TAMM41: variants seen among roughly 807,000 people sequenced by gnomAD.
TAMM41 encodes phosphatidate cytidylyltransferase, mitochondrial.
TAMM41 carries 36 observed loss-of-function variants against 44.1 expected under a neutral mutation model. That is an observed-to-expected ratio of 0.82 (90% CI 0.63 to 1.08). TAMM41 has a LOEUF of 1.08. TAMM41 is among the 50% of genes least tolerant of loss of function. TAMM41 has a pLI of 0.00. For missense variants in TAMM41, 417 were observed against 404.3 expected (o/e 1.03, Z -0.27); for synonymous variants, 164 against 153.1 (o/e 1.07, Z -0.53).
chr3:11,822,895 TAGG>T (rs2078581093), intron 4 of TAMM41, among the ~76,000 whole-genome samples: 1 of 152,246 alleles, frequency 6.6e-6, no homozygotes, highest in African/African-American at 2.4e-5. Context: ...GGTAGATATA[TAGG>T]AGTAGAACTG....
the TAMM41 span, among the ~76,000 whole-genome samples, chr3:11,727,773 T>C: frequency 6.6e-6 from 1 of 151,048 alleles, no homozygotes; most frequent in East Asian, 2.0e-4. Flanking sequence ...CCTATTTCTT[T>C]TTTTTTCTAA....
At chr3:11,846,009 T>C (rs758335691) in intron 1 of TAMM41, among the ~76,000 whole-genome samples, 29 of 152,240 alleles carry the variant, frequency 1.9e-4, no homozygotes, top group Non-Finnish European at 4.3e-4. Context: ...TCATTTTGCA[T>C]TTTCTCCTAC....
intron 4 of TAMM41, among the ~76,000 whole-genome samples, chr3:11,827,872 T>C (rs1253112217): frequency 1.3e-5 from 2 of 152,146 alleles, no homozygotes; most frequent in African/African-American, 4.8e-5. Flanking sequence ...TCTGCCTAAG[T>C]AATTACTGGC....
chr3:11,731,224 T>G, the TAMM41 span, among the ~76,000 whole-genome samples: 1 of 152,240 alleles, frequency 6.6e-6, no homozygotes, highest in Admixed American at 6.5e-5. Context: ...ATGACCAGAT[T>G]AGTCATCTTG....
At chr3:11,787,540 A>G (rs2077424509), downstream of TAMM41, among the ~76,000 whole-genome samples, 1 of 152,162 alleles carries the variant, frequency 6.6e-6, no homozygotes, top group Non-Finnish European at 1.5e-5. Flanking sequence ...TATTTGATAT[A>G]CTTAGGGTTG....
intron 6 of TAMM41, chr3:11,808,691 G>A: frequency 1.1e-6 from 1 of 891,768 alleles, no homozygotes; most frequent in Non-Finnish European, 1.3e-6. Context: ...CACCTTAAAG[G>A]GAAGTTAGTC....
chr3:11,776,522 G>A, the TAMM41 span, among the ~76,000 whole-genome samples: 4 of 152,080 alleles, frequency 2.6e-5, no homozygotes, highest in Non-Finnish European at 5.9e-5. Flanking sequence ...CAACTGCCTC[G>A]GTATTCAGCA....
intron 5 of TAMM41, among the ~76,000 whole-genome samples, chr3:11,814,970 GAAAGAAAGA>G (rs979883586): frequency 1.3e-5 from 2 of 151,898 alleles, no homozygotes; most frequent in Non-Finnish European, 2.9e-5. Flanking sequence ...TCAAAAAAGA[GAAAGAAAGA>G]AAAGAAAGAA....
chr3:11,783,740 C>T, the TAMM41 span, among the ~76,000 whole-genome samples: 3 of 152,326 alleles, frequency 2.0e-5, no homozygotes, highest in South Asian at 6.2e-4. Flanking sequence ...TATAGAGAAA[C>T]ACCTGCCCAT....
chr3:11,780,594 T>C, the TAMM41 span, among the ~76,000 whole-genome samples: 2 of 152,068 alleles, frequency 1.3e-5, no homozygotes, highest in Non-Finnish European at 2.9e-5. Context: ...ATAATAAGAG[T>C]CCCTGTTACA....
chr3:11,753,751 A>C, the TAMM41 span, among the ~76,000 whole-genome samples: 2 of 151,918 alleles, frequency 1.3e-5, no homozygotes, highest in East Asian at 3.9e-4. Flanking sequence ...AAAAAAATAA[A>C]ATAAACTGGC....
At chr3:11,735,300 G>A in the TAMM41 span, among the ~76,000 whole-genome samples, 1 of 152,118 alleles carries the variant, frequency 6.6e-6, no homozygotes, top group Non-Finnish European at 1.5e-5. Context: ...TGAGGCTGCA[G>A]TGAGTTACGA....
At chr3:11,747,358 G>C in the TAMM41 span, among the ~76,000 whole-genome samples, 1 of 152,080 alleles carries the variant, frequency 6.6e-6, no homozygotes, top group African/African-American at 2.4e-5. Context: ...CACCATGCCC[G>C]GCCAGTGTGA....
the TAMM41 span, among the ~76,000 whole-genome samples, chr3:11,724,404 ATTTTTTAT>A: frequency 8.6e-6 from 1 of 115,862 alleles, no homozygotes; most frequent in Admixed American, 8.9e-5. Context: ...CACCTGGCCT[ATTTTTTAT>A]TTTTATTTTT....
chr3:11,832,840 G>A (rs1456686551), intron 3 of TAMM41, among the ~76,000 whole-genome samples: 3 of 152,178 alleles, frequency 2.0e-5, no homozygotes, highest in African/African-American at 7.2e-5. Context: ...GCTATTTTGA[G>A]ATGCTAACAA....
chr3:11,748,270 TTTTA>T, the TAMM41 span, among the ~76,000 whole-genome samples: 125,948 of 149,836 alleles, frequency 0.84, 53,390 homozygotes, highest in African/African-American at 0.93. Context: ...TTCTGTACTC[TTTTA>T]TTTATTTATT....
chr3:11,839,466 T>C (rs1221528451), intron 2 of TAMM41, 152 bp from the exon 3 acceptor site: 1 of 575,696 alleles, frequency 1.7e-6, no homozygotes, highest in Non-Finnish European at 3.0e-6. Context: ...AAAACACACA[T>C]CTCCACCAAA....
chr3:11,751,257 A>G, the TAMM41 span, among the ~76,000 whole-genome samples: 1 of 151,740 alleles, frequency 6.6e-6, no homozygotes, highest in Non-Finnish European at 1.5e-5. Flanking sequence ...ACACCTGGCT[A>G]ATTTTTGTAT....
At chr3:11,835,990 C>CTTTTTTTT in intron 3 of TAMM41, among the ~76,000 whole-genome samples, 1 of 137,898 alleles carries the variant, frequency 7.3e-6, no homozygotes, top group Non-Finnish European at 1.5e-5. Flanking sequence ...ATTCCTTTTC[C>CTTTTTTTT]TTTTTTTTTT....
Sources: allele counts gnomAD v4.1 joint callset (sites outside exome capture counted in the v4.1 genomes callset), GRCh38; gene constraint gnomAD v4.1.1; transcripts MANE v1.5; gene names NCBI Gene and HGNC (gene_info 2026-07-23, HGNC 2026-07-21).